Variants in AGBL4 observed in about 807,000 individuals in gnomAD.
The protein encoded by AGBL4 is AGBL carboxypeptidase 4, also known as cytosolic carboxypeptidase 6.
AGBL4 carries 58 observed loss-of-function variants against 66.4 expected under a neutral mutation model. The observed-to-expected ratio is 0.87, with a 90% CI of 0.71 to 1.09. The LOEUF (loss-of-function observed/expected upper bound fraction) is 1.09, where lower values mean the gene tolerates loss of function less well. Ranked by LOEUF, AGBL4 falls within the 50% of genes least tolerant of loss-of-function variation. AGBL4 has a pLI of 0.00. For missense variants in AGBL4, 579 were observed against 631.0 expected, an observed-to-expected ratio of 0.92 and a Z score of 0.88; for synonymous variants, 234 against 222.9, an observed-to-expected ratio of 1.05 and a Z score of -0.44.
intron 10 of AGBL4, among the ~76,000 whole-genome samples, chr1:48,590,406 C>CAAA (rs386366923): frequency 0.065 from 6,050 of 93,402 alleles, 281 homozygotes; most frequent in African/African-American, 0.14. Flanking sequence ...AACTCAGTCT[C>CAAA]AAAAAAAAAA....
At chr1:49,334,887 T>C (rs1356333507) in intron 3 of AGBL4, among the ~76,000 whole-genome samples, 1 of 152,220 alleles carries the variant, frequency 6.6e-6, no homozygotes, top group Non-Finnish European at 1.5e-5. Flanking sequence ...TTGCTGAGCC[T>C]GGTTTTATGT....
intron 5 of AGBL4, among the ~76,000 whole-genome samples, chr1:48,947,853 T>C (rs905761162): frequency 6.6e-6 from 1 of 152,090 alleles, no homozygotes; most frequent in Non-Finnish European, 1.5e-5. Flanking sequence ...TCTCTCTCTT[T>C]TTGTTTTAAA....
At chr1:48,776,964 T>C (rs1570645946) in intron 6 of AGBL4, 1 of 246,726 alleles carries the variant, frequency 4.1e-6, no homozygotes, top group Non-Finnish European at 7.0e-6. Context: ...GGACCCAGGC[T>C]CCCCCCACTG....
At chr1:48,937,154 C>A in intron 5 of AGBL4, among the ~76,000 whole-genome samples, 1 of 152,274 alleles carries the variant, frequency 6.6e-6, no homozygotes, top group South Asian at 2.1e-4. Flanking sequence ...TCCATCTAGG[C>A]CGTTTCTATT....
chr1:48,728,383 T>C (rs1239124519), intron 6 of AGBL4, among the ~76,000 whole-genome samples: 3 of 152,130 alleles, frequency 2.0e-5, no homozygotes, highest in African/African-American at 7.2e-5. Flanking sequence ...CTTTTTTTTT[T>C]TCTTTTAGTG....
At chr1:49,910,962 C>A (rs977062843) in intron 1 of AGBL4, among the ~76,000 whole-genome samples, 2 of 152,036 alleles carry the variant, frequency 1.3e-5, no homozygotes, top group Non-Finnish European at 2.9e-5. Context: ...GGCAACAGAG[C>A]GAGACTCCAT....
chr1:49,767,274 G>C (rs1643909479), intron 2 of AGBL4, among the ~76,000 whole-genome samples: 1 of 151,606 alleles, frequency 6.6e-6, no homozygotes, highest in Non-Finnish European at 1.5e-5. Flanking sequence ...GGCCACAGTG[G>C]AATAAAAATA....
chr1:48,708,541 C>G (rs369775645), intron 6 of AGBL4, among the ~76,000 whole-genome samples: 9 of 152,192 alleles, frequency 5.9e-5, no homozygotes, highest in Admixed American at 3.3e-4. Context: ...CTAGGAAGGG[C>G]CCTAGAGAAG....
intron 6 of AGBL4, among the ~76,000 whole-genome samples, chr1:48,706,953 G>C (rs1646890545): frequency 6.6e-6 from 1 of 152,184 alleles, no homozygotes; most frequent in Non-Finnish European, 1.5e-5. Context: ...CCCCAGCTAG[G>C]AAATCAGTCA....
At chr1:49,948,250 A>C (rs1201248128) in intron 1 of AGBL4, among the ~76,000 whole-genome samples, 2 of 103,354 alleles carry the variant, frequency 1.9e-5, no homozygotes, top group South Asian at 5.3e-4. Context: ...AAATAAATAC[A>C]TATAAATATA....
chr1:49,247,268 T>G (rs1387776037), intron 3 of AGBL4, among the ~76,000 whole-genome samples: 1 of 152,094 alleles, frequency 6.6e-6, no homozygotes, highest in Non-Finnish European at 1.5e-5. Context: ...AAATCAAAAG[T>G]ATATCCTCTG....
intron 6 of AGBL4, among the ~76,000 whole-genome samples, chr1:48,850,035 C>T (rs1032163708): frequency 5.3e-5 from 8 of 152,128 alleles, no homozygotes; most frequent in Non-Finnish European, 8.8e-5. Context: ...TCTTTTGGTA[C>T]CACAGACTCC....
chr1:48,592,448 G>T (rs935570788), intron 9 of AGBL4, among the ~76,000 whole-genome samples: 1 of 152,204 alleles, frequency 6.6e-6, no homozygotes, highest in Non-Finnish European at 1.5e-5. Context: ...GTCTTGCCAA[G>T]CTCCCAGTTC....
chr1:49,232,474 G>A (rs371566404), intron 4 of AGBL4, among the ~76,000 whole-genome samples: 19 of 152,124 alleles, frequency 1.2e-4, no homozygotes, highest in African/African-American at 4.1e-4. Context: ...TGAGGTGGGC[G>A]GATCTTGACG....
intron 4 of AGBL4, among the ~76,000 whole-genome samples, chr1:49,089,233 G>T (rs1644960128): frequency 6.6e-6 from 1 of 150,492 alleles, no homozygotes; most frequent in African/African-American, 2.4e-5. Context: ...GCAAGCAGAA[G>T]ACAAGAAATC....
intron 3 of AGBL4, among the ~76,000 whole-genome samples, chr1:49,289,280 A>G (rs753649870): frequency 9.2e-5 from 14 of 152,234 alleles, no homozygotes; most frequent in Non-Finnish European, 1.9e-4. Flanking sequence ...GAAGAAAGGA[A>G]TAGTGAAATG....
chr1:49,594,052 G>A (rs1029308400), intron 3 of AGBL4, among the ~76,000 whole-genome samples: 2 of 152,128 alleles, frequency 1.3e-5, no homozygotes, highest in African/African-American at 4.8e-5. Context: ...CAGTCCCTCA[G>A]GCAGCGTTGC....
intron 1 of AGBL4, among the ~76,000 whole-genome samples, chr1:49,962,662 C>G (rs2148346407): frequency 6.6e-6 from 1 of 152,200 alleles, no homozygotes; most frequent in South Asian, 2.1e-4. Flanking sequence ...TAAGTGAAGA[C>G]AAATAGTTTT....
At chr1:49,756,792 T>C (rs551838063) in intron 2 of AGBL4, among the ~76,000 whole-genome samples, 4 of 152,318 alleles carry the variant, frequency 2.6e-5, no homozygotes, top group Admixed American at 1.3e-4. Flanking sequence ...TTGCTTCCCC[T>C]TCCACCATGA....
Sources: allele counts gnomAD v4.1 joint callset (sites outside exome capture counted in the v4.1 genomes callset), GRCh38; gene constraint gnomAD v4.1.1; transcripts MANE v1.5; gene names NCBI Gene and HGNC (gene_info 2026-07-23, HGNC 2026-07-21).